EDNRA: variants seen among roughly 807,000 people sequenced by gnomAD.
EDNRA encodes endothelin receptor type A.
EDNRA carries 11 observed loss-of-function variants against 41.4 expected under a neutral mutation model. The observed-to-expected ratio is 0.27, with a 90% CI of 0.17 to 0.44. The LOEUF is 0.44. Ranked by LOEUF, EDNRA falls within the 20% of genes least tolerant of loss-of-function variation. The pLI is 1.00. For synonymous variants in EDNRA, 172 were observed against 183.0 expected, an observed-to-expected ratio of 0.94 and a Z score of 0.49; for missense variants, 294 against 531.0, an observed-to-expected ratio of 0.55 and a Z score of 4.39.
chr4:147,492,786 A>G (rs1292111064), intron 2 of EDNRA: 2 of 152,138 alleles, frequency 1.3e-5, no homozygotes, highest in Admixed American at 1.3e-4. Context: ...ATATAAAATG[A>G]CAGAGTGACA....
At chr4:147,512,966 A>T (rs1286785215) in intron 2 of EDNRA, among the ~76,000 whole-genome samples, 7 of 152,160 alleles carry the variant, frequency 4.6e-5, no homozygotes, top group Non-Finnish European at 8.8e-5. Context: ...CTTCCTCTGG[A>T]TTCTCTCTTC....
chr4:147,536,128 C>G, intron 5 of EDNRA, 99 bp downstream of exon 5: 1 of 1,380,846 alleles, frequency 7.2e-7, no homozygotes, highest in Non-Finnish European at 1.0e-6. Context: ...GCCTGATTTC[C>G]TAAAATAAAA....
intron 2 of EDNRA, among the ~76,000 whole-genome samples, chr4:147,514,810 T>A (rs932897124): frequency 6.6e-6 from 1 of 152,174 alleles, no homozygotes; most frequent in African/African-American, 2.4e-5. Context: ...ATTTTATACC[T>A]TTTTCTGCTC....
chr4:147,496,802 T>G (rs1056431332), intron 2 of EDNRA, among the ~76,000 whole-genome samples: 6 of 152,262 alleles, frequency 3.9e-5, no homozygotes, highest in Non-Finnish European at 8.8e-5. Context: ...CACTTCACTG[T>G]GTGAATATCG....
intron 5 of EDNRA, 34 bp downstream of exon 5, chr4:147,536,063 G>A (rs1455787240): frequency 1.2e-6 from 2 of 1,612,826 alleles, no homozygotes; most frequent in Admixed American, 3.3e-5. Flanking sequence ...ATCTGGCCAG[G>A]ACTGGTTAGT....
At chr4:147,504,957 C>CAAAAAAAAAAAAAAAAAA (rs57911108) in intron 2 of EDNRA, among the ~76,000 whole-genome samples, 5 of 39,042 alleles carry the variant, frequency 1.3e-4, no homozygotes, top group African/African-American at 4.7e-4. Flanking sequence ...GACCCTGTCT[C>CAAAAAAAAAAAAAAAAAA]AAAAAAAAAA....
chr4:147,527,851 C>T (rs770575636), intron 3 of EDNRA, among the ~76,000 whole-genome samples: 20 of 152,176 alleles, frequency 1.3e-4, no homozygotes, highest in Non-Finnish European at 2.5e-4. Context: ...ATGGTCCAGA[C>T]GCCCCAGGTT....
intron 2 of EDNRA, among the ~76,000 whole-genome samples, chr4:147,513,008 C>A (rs893728770): frequency 6.6e-6 from 1 of 152,130 alleles, no homozygotes; most frequent in African/African-American, 2.4e-5. Context: ...GTGGTAGCTA[C>A]CAGAACGATC....
rs1162430104 is a variant in EDNRA at position 147,540,372 on chromosome 4, T to G, written c.1035-5T>G. 6.3e-7 allele frequency: 1 copy of G among 1,595,350 alleles called. No individual in the cohort carries two copies. The highest frequency in any genetic ancestry group is 2.2e-5 in the East Asian group (1 of 44,690). On this transcript the variant is annotated splice_polypyrimidine_tract_variant and splice_region_variant and intron_variant, in intron 6 of 7. Transcript: ENST00000651419. Reference sequence around the variant, plus strand: ...ATTATTCTACACCATTTTCTTTTGCTCTAGTTTCTTACTGCTCATGGATTA... The same window carrying G: ...ATTATTCTACACCATTTTCTTTTGCGCTAGTTTCTTACTGCTCATGGATTA...
chr4:147,520,345 A>T, intron 3 of EDNRA: 1 of 512,920 alleles, frequency 1.9e-6, no homozygotes, highest in Non-Finnish European at 3.9e-6. Context: ...CTGTTCAATT[A>T]TATCTGTAAT....
At chr4:147,502,959 A>G (rs915474152) in intron 2 of EDNRA, among the ~76,000 whole-genome samples, 1 of 152,184 alleles carries the variant, frequency 6.6e-6, no homozygotes, top group Non-Finnish European at 1.5e-5. Flanking sequence ...CCTGAAATTG[A>G]CATTTAAATT....
At chr4:147,509,809 G>A (rs1048687274) in intron 2 of EDNRA, among the ~76,000 whole-genome samples, 2 of 151,856 alleles carry the variant, frequency 1.3e-5, no homozygotes, top group Non-Finnish European at 2.9e-5. Context: ...CAAGCTGAGG[G>A]CTCCCACTGA....
chr4:147,486,050 C>A lies in EDNRA; in HGVS notation c.369C>A (p.Ala123=), dbSNP rs199997476. 32 of 1,614,012 alleles carry A rather than the reference C, an allele frequency of 2.0e-5. No individual in the cohort carries two copies. Among genetic ancestry groups the A allele is most frequent in the Non-Finnish European group, 2.7e-5 (32 of 1,180,012 alleles). The change falls in exon 2 of 8, where the codon GCC becomes GCA. Residue 123 remains alanine, a synonymous_variant. Transcript: ENST00000651419. The surrounding 1 kb of genome is among the most constrained non-coding windows in gnomAD (Gnocchi z 4.3). ...CCAACGCGCTGATAGCCAGTCTTGC[C>A]CTTGGAGACCTTATCTATGTGGTCA... The part of the protein sequence containing the change: ...NGPNALIASL[A]LGDLIYVVID...
At chr4:147,522,835 A>G (rs1316569278) in intron 3 of EDNRA, among the ~76,000 whole-genome samples, 3 of 152,202 alleles carry the variant, frequency 2.0e-5, no homozygotes, top group Non-Finnish European at 4.4e-5. Flanking sequence ...GGTCCCGAGA[A>G]CCTGTGCCCA....
intron 3 of EDNRA, among the ~76,000 whole-genome samples, chr4:147,529,921 G>C (rs1730688105): frequency 6.6e-6 from 1 of 152,172 alleles, no homozygotes; most frequent in Non-Finnish European, 1.5e-5. Context: ...ATCGAGATCT[G>C]TGTGATTATA....
chr4:147,485,055 C>G (rs1018436834), intron 1 of EDNRA, among the ~76,000 whole-genome samples: 3 of 152,184 alleles, frequency 2.0e-5, no homozygotes, highest in Non-Finnish European at 4.4e-5. Flanking sequence ...CCTCAATACC[C>G]TGTACCCTTT....
intron 2 of EDNRA, among the ~76,000 whole-genome samples, chr4:147,510,131 G>T: frequency 6.6e-6 from 1 of 152,104 alleles, no homozygotes; most frequent in East Asian, 1.9e-4. Flanking sequence ...TTTCTTGGCA[G>T]TCAATATTTC....
chr4:147,501,298 C>T (rs1194582158), intron 2 of EDNRA, among the ~76,000 whole-genome samples: 3 of 152,186 alleles, frequency 2.0e-5, no homozygotes, highest in Non-Finnish European at 4.4e-5. Context: ...TTCAGACTAC[C>T]TCTTCTCTAC....
intron 3 of EDNRA, among the ~76,000 whole-genome samples, chr4:147,523,638 C>T (rs1249802546): frequency 6.6e-6 from 1 of 151,734 alleles, no homozygotes; most frequent in Non-Finnish European, 1.5e-5. Context: ...CTACAGGTGC[C>T]CACCACCACG....
Sources: allele counts gnomAD v4.1 joint callset (sites outside exome capture counted in the v4.1 genomes callset), GRCh38; gene constraint gnomAD v4.1.1; non-coding constraint Gnocchi (gnomAD v3.1); transcripts MANE v1.5; gene names NCBI Gene and HGNC (gene_info 2026-07-23, HGNC 2026-07-21).